The following ACSM6 variants were observed in gnomAD, a reference collection of about 807,000 sequenced individuals.
The protein encoded by ACSM6 is acyl-coenzyme A synthetase ACSM6, mitochondrial.
Under a neutral mutation model 51.1 loss-of-function variants are expected in ACSM6, and 35 were observed. The ratio of observed to expected loss-of-function variants is 0.69; its 90% CI spans 0.52 to 0.91. The LOEUF (loss-of-function observed/expected upper bound fraction) is 0.91. Among genes scored for constraint, ACSM6 ranks in the 40% least tolerant of loss-of-function variants. ACSM6 has a pLI of 0.00. For synonymous variants in ACSM6, 172 were observed against 207.3 expected (o/e 0.83, Z 1.46); for missense variants, 509 against 584.1 (o/e 0.87, Z 1.32).
intron 3 of ACSM6, among the ~76,000 whole-genome samples, chr10:95,202,435 T>C (rs528156070): frequency 3.3e-5 from 5 of 152,274 alleles, no homozygotes; most frequent in African/African-American, 1.2e-4. Context: ...ATAGTCCATA[T>C]TTATAGAACT....
exon 2 of ACSM6, chr10:95,194,604 G>A: frequency 6.4e-7 from 1 of 1,552,160 alleles, no homozygotes; most frequent in East Asian, 2.4e-5. Context: ...GACTCCAGGT[G>A]CCTAGTCCAA....
At chr10:95,227,816 C>G (rs1329929724) in intron 10 of ACSM6, among the ~76,000 whole-genome samples, 1 of 152,138 alleles carries the variant, frequency 6.6e-6, no homozygotes, top group Admixed American at 6.5e-5. Flanking sequence ...GCCTGTAATC[C>G]CAGCACTTTG....
At chr10:95,197,077 CA>C (rs1407183017) in intron 2 of ACSM6, among the ~76,000 whole-genome samples, 2 of 152,144 alleles carry the variant, frequency 1.3e-5, no homozygotes, top group African/African-American at 2.4e-5. Flanking sequence ...AAAAAAGTGC[CA>C]ATTCCCACAC....
intron 3 of ACSM6, among the ~76,000 whole-genome samples, chr10:95,206,246 T>C (rs1047894275): frequency 6.6e-6 from 1 of 152,248 alleles, no homozygotes; most frequent in Non-Finnish European, 1.5e-5. Flanking sequence ...ACAAATAGAA[T>C]GCAACATCTA....
chr10:95,213,430 T>C (rs1449186636), intron 7 of ACSM6, among the ~76,000 whole-genome samples: 2 of 152,238 alleles, frequency 1.3e-5, no homozygotes, highest in African/African-American at 4.8e-5. Flanking sequence ...CCTATCCATC[T>C]ATCCCAAAAG....
intron 9 of ACSM6, among the ~76,000 whole-genome samples, 152 bp downstream of exon 9, chr10:95,220,123 C>T (rs2034982695): frequency 6.6e-6 from 1 of 152,094 alleles, no homozygotes; most frequent in Admixed American, 6.5e-5. Flanking sequence ...GCTTTTATTT[C>T]CACCTCAATA....
chr10:95,203,826 T>G (rs1353384030), intron 3 of ACSM6, among the ~76,000 whole-genome samples: 1 of 145,120 alleles, frequency 6.9e-6, no homozygotes, highest in African/African-American at 2.6e-5. Flanking sequence ...ACTGGCCTAC[T>G]GCCTTTGCCT....
intron 5 of ACSM6, 36 bp from the exon 6 acceptor site, chr10:95,211,842 C>T (rs376157414): frequency 3.7e-5 from 57 of 1,556,736 alleles, no homozygotes; most frequent in African/African-American, 1.5e-4. Flanking sequence ...AGTACCAGCA[C>T]GAGAGAATTC....
rs140405758 is a variant in ACSM6 at position 95,226,745 on chromosome 10, TAA to T, written c.1302+1357_1302+1358del. Among the ~76,000 whole-genome samples the T allele has an allele frequency of 8.0e-3, 1,218 of 152,286 alleles. 20 individuals carry two copies. The highest frequency in any genetic ancestry group is 0.028 in the African/African-American group (1,165 of 41,544). ...ATATTTATTTAGCCTTTCCTGATAA[TAA>T]AACTCACTTGTGTTCAATATAGACA... On this transcript the variant is annotated intron_variant, in intron 10 of 10. Transcript: ENST00000341686.
intron 2 of ACSM6, chr10:95,201,615 A>C (rs1421949087): frequency 4.3e-6 from 2 of 463,962 alleles, no homozygotes; most frequent in Admixed American, 4.7e-5. Flanking sequence ...TGCTACCATA[A>C]ACACATGAAT....
At chr10:95,220,895 G>C (rs1249613595) in intron 9 of ACSM6, among the ~76,000 whole-genome samples, 2 of 81,000 alleles carry the variant, frequency 2.5e-5, no homozygotes, top group Non-Finnish European at 8.0e-5. Context: ...TCTATTAATA[G>C]AGTTAATTAA....
chr10:95,226,988 CT>C (rs11342263), intron 10 of ACSM6, among the ~76,000 whole-genome samples: 69,612 of 139,982 alleles, frequency 0.5, 17,063 homozygotes, highest in Middle Eastern at 0.65. Flanking sequence ...TATATGACAA[CT>C]TTTTTTTTTT....
At chr10:95,202,641 G>T (rs1279716873) in intron 3 of ACSM6, among the ~76,000 whole-genome samples, 1 of 152,024 alleles carries the variant, frequency 6.6e-6, no homozygotes, top group East Asian at 1.9e-4. Flanking sequence ...GAATGTAGGG[G>T]TACTGGGTGC....
At chr10:95,194,754 T>A (rs681838) in intron 2 of ACSM6, 77 bp downstream of exon 2, 1,260,052 of 1,330,078 alleles carry the variant, frequency 0.95, 597,206 homozygotes, top group East Asian at 1. Flanking sequence ...ATGAGATTCA[T>A]ATCCCATCTA....
intron 4 of ACSM6, 114 bp from the exon 5 acceptor site, chr10:95,210,536 A>G (rs534634664): frequency 3.5e-6 from 4 of 1,146,230 alleles, no homozygotes; most frequent in Non-Finnish European, 4.8e-6. Flanking sequence ...CCTCAAATAT[A>G]TCAAGATACC....
intron 6 of ACSM6, 40 bp downstream of exon 6, chr10:95,212,074 C>CCTGCA (rs2034898731): frequency 6.2e-7 from 1 of 1,610,358 alleles, no homozygotes; most frequent in Non-Finnish European, 8.5e-7. Flanking sequence ...GGGACAAAGG[C>CCTGCA]CAGAGAGAGG....
chr10:95,209,288 G>C (rs1175525130), intron 4 of ACSM6, among the ~76,000 whole-genome samples: 2 of 152,142 alleles, frequency 1.3e-5, no homozygotes, highest in African/African-American at 4.8e-5. Context: ...GGAACAGAAA[G>C]AACACCAGGG....
intron 2 of ACSM6, among the ~76,000 whole-genome samples, chr10:95,197,315 G>A (rs815240): frequency 0.85 from 127,913 of 150,816 alleles, 54,531 homozygotes; most frequent in Middle Eastern, 0.89. Context: ...CCAGGGGACC[G>A]GCACTCAGCA....
chr10:95,194,452 T>G lies in ACSM6; in HGVS notation c.-21-13T>G. On this transcript the variant is annotated splice_polypyrimidine_tract_variant and intron_variant, in intron 1 of 10. Transcript: ENST00000341686. ...TGCTCAATTACTCCCTGTCTTTTCCTCAATTTACCTAGGTGGTTCCCTGTC... is the reference window on the plus strand; with the variant it reads ...TGCTCAATTACTCCCTGTCTTTTCCGCAATTTACCTAGGTGGTTCCCTGTC... 1 of 1,540,962 alleles carries G rather than the reference T, an allele frequency of 6.5e-7. No individual in the cohort carries two copies. Among genetic ancestry groups the G allele is most frequent in the Non-Finnish European group, 8.8e-7 (1 of 1,138,458 alleles).
Sources: allele counts gnomAD v4.1 joint callset (sites outside exome capture counted in the v4.1 genomes callset), GRCh38; gene constraint gnomAD v4.1.1; transcripts MANE v1.5; gene names NCBI Gene and HGNC (gene_info 2026-07-23, HGNC 2026-07-21).